ADARB2: variants seen among roughly 807,000 people sequenced by gnomAD.
ADARB2 encodes inactive double-stranded RNA-specific editase B2.
A neutral mutation model predicts 62.2 loss-of-function variants in ADARB2; 25 were observed. The observed-to-expected ratio is 0.40, with a 90% confidence interval of 0.29 to 0.56. ADARB2 has a LOEUF of 0.56. Ranked by LOEUF, ADARB2 falls within the 20% of genes least tolerant of loss-of-function variation. ADARB2 has a pLI of 0.43. For synonymous variants in ADARB2, 572 were observed against 500.8 expected, an observed-to-expected ratio of 1.14 and a Z score of -1.90; for missense variants, 1,071 against 1,077.4, an observed-to-expected ratio of 0.99 and a Z score of 0.08.
At chr10:1,186,751 C>T (rs1017722956) in intron 8 of ADARB2, among the ~76,000 whole-genome samples, 5 of 152,206 alleles carry the variant, frequency 3.3e-5, no homozygotes, top group Non-Finnish European at 7.3e-5. Context: ...TGCTCAGGTC[C>T]CTGGGAAGCC....
At chr10:1,668,559 G>C (rs1834340714) in intron 1 of ADARB2, among the ~76,000 whole-genome samples, 1 of 152,148 alleles carries the variant, frequency 6.6e-6, no homozygotes, top group Non-Finnish European at 1.5e-5. Context: ...GCTCACTGGA[G>C]GTCAGGAAAA....
At chr10:1,428,180 C>T (rs1830726160) in intron 1 of ADARB2, among the ~76,000 whole-genome samples, 1 of 151,912 alleles carries the variant, frequency 6.6e-6, no homozygotes, top group South Asian at 2.1e-4. Context: ...ACCATATTGG[C>T]CAGGCTGGTC....
intron 1 of ADARB2, among the ~76,000 whole-genome samples, chr10:1,572,488 G>A (rs772847577): frequency 8.5e-5 from 13 of 152,170 alleles, no homozygotes; most frequent in Non-Finnish European, 1.9e-4. Context: ...GAATGACTGT[G>A]AGGGTGTTTG....
intron 1 of ADARB2, among the ~76,000 whole-genome samples, chr10:1,606,139 C>T (rs1232121246): frequency 6.6e-6 from 1 of 152,218 alleles, no homozygotes; most frequent in African/African-American, 2.4e-5. Flanking sequence ...TTCTCCATGT[C>T]TCTTCCCCCG....
chr10:1,541,470 C>T (rs1259479944), intron 1 of ADARB2, among the ~76,000 whole-genome samples: 5 of 80,160 alleles, frequency 6.2e-5, no homozygotes, highest in African/African-American at 2.7e-4. Context: ...CCCACTCAGA[C>T]GCAGTTCAGA....
At chr10:1,635,569 A>G (rs1833909045) in intron 1 of ADARB2, among the ~76,000 whole-genome samples, 2 of 152,018 alleles carry the variant, frequency 1.3e-5, no homozygotes, top group Non-Finnish European at 2.9e-5. Context: ...TTTGTGGGTG[A>G]TTGCCCCGCC....
intron 1 of ADARB2, among the ~76,000 whole-genome samples, chr10:1,514,628 T>A (rs1831986188): frequency 6.6e-6 from 1 of 151,914 alleles, no homozygotes. Context: ...GTGCTTGAAA[T>A]GTGGCTGCCG....
At position 1,667,009 on chromosome 10, in the gene ADARB2, T is replaced by A. The variant is rs78224081; in HGVS notation, c.100+70042A>T. 9.0e-3 allele frequency among the ~76,000 whole-genome samples: 1,364 copies of A among 152,120 alleles called. 17 individuals carry two copies. Among genetic ancestry groups the A allele is most frequent in the East Asian group, 0.047 (241 of 5,178 alleles). ...TGTAATCTACTAAAAACATAGAGGG[T>A]TTTTAAGTTATTGTTATGTAATTAA... On this transcript the variant is annotated intron_variant, in intron 1 of 9. Transcript: ENST00000381312.
intron 6 of ADARB2, among the ~76,000 whole-genome samples, chr10:1,226,789 AC>A (rs893479352): frequency 6.6e-6 from 1 of 152,130 alleles, no homozygotes; most frequent in Admixed American, 6.5e-5. Flanking sequence ...TTAGAGGAGT[AC>A]CCGGCTGTGT....
chr10:1,552,919 T>A (rs1284770134), intron 1 of ADARB2, among the ~76,000 whole-genome samples: 1 of 89,740 alleles, frequency 1.1e-5, no homozygotes. Flanking sequence ...AACCCTTAAT[T>A]AATTCGTTTA....
intron 1 of ADARB2, among the ~76,000 whole-genome samples, chr10:1,584,536 T>C (rs1304622205): frequency 6.6e-6 from 1 of 152,220 alleles, no homozygotes; most frequent in Non-Finnish European, 1.5e-5. Flanking sequence ...TTCCATGGTT[T>C]CTAACAAAAG....
chr10:1,182,903 C>T lies in ADARB2; in HGVS notation c.*290G>A, dbSNP rs1020902482. ...CCTCCTTCCAAGGCTGCAGCTAAAA[C>T]CCCTTTGCCTGAATGGAGCCCCTCC... On this transcript the variant is annotated 3_prime_UTR_variant, in exon 10 of 10. Transcript: ENST00000381312. 57 of 356,024 alleles carry T rather than the reference C, an allele frequency of 1.6e-4. No individual in the cohort carries two copies. The highest frequency in any genetic ancestry group is 1.2e-3 in the African/African-American group (57 of 48,106). 22.1% of individuals were successfully genotyped at this position (356,024 alleles called of 1,614,324 possible). A position where few individuals can be genotyped will look rare whatever the true frequency, so the allele number is the denominator to read the frequency against.
At chr10:1,677,486 T>C (rs762361630) in intron 1 of ADARB2, among the ~76,000 whole-genome samples, 7 of 151,172 alleles carry the variant, frequency 4.6e-5, no homozygotes, top group Admixed American at 4.6e-4. Flanking sequence ...CTGAAGGGGG[T>C]CCCAGATGAG....
At chr10:1,701,927 G>C (rs568154858) in intron 1 of ADARB2, among the ~76,000 whole-genome samples, 2 of 152,198 alleles carry the variant, frequency 1.3e-5, no homozygotes, top group Non-Finnish European at 2.9e-5. Flanking sequence ...GAGACCAGGC[G>C]CTCGTCAATA....
chr10:1,393,182 T>C (rs1330435307), intron 1 of ADARB2, among the ~76,000 whole-genome samples: 1 of 152,198 alleles, frequency 6.6e-6, no homozygotes, highest in Non-Finnish European at 1.5e-5. Context: ...TTTAATTTCT[T>C]CTTCTCTCTG....
intron 1 of ADARB2, among the ~76,000 whole-genome samples, chr10:1,579,243 A>G (rs1352272636): frequency 1.3e-5 from 2 of 152,222 alleles, no homozygotes; most frequent in Admixed American, 1.3e-4. Flanking sequence ...GTTTCCCATG[A>G]GGCTTAGAGC....
At chr10:1,347,182 G>A (rs1382388298) in intron 3 of ADARB2, among the ~76,000 whole-genome samples, 1 of 152,220 alleles carries the variant, frequency 6.6e-6, no homozygotes, top group Non-Finnish European at 1.5e-5. Flanking sequence ...TGTTACTCCA[G>A]AAATGGGATT....
intron 9 of ADARB2, 52 bp from the exon 10 acceptor site, chr10:1,183,421 T>C: frequency 6.3e-7 from 1 of 1,589,300 alleles, no homozygotes; most frequent in Non-Finnish European, 8.6e-7. Context: ...AAAAGGAGCT[T>C]CTGCTAGGTG....
chr10:1,536,522 C>T lies in ADARB2; in HGVS notation c.101-157362G>A, dbSNP rs551039453. 1.7e-4 allele frequency among the ~76,000 whole-genome samples: 26 copies of T among 152,342 alleles called. No homozygotes were observed. The South Asian group carries it at 1.9e-3, about 11-fold the overall frequency. On this transcript the variant is annotated intron_variant, in intron 1 of 9. Coordinates refer to ENST00000381312, the MANE Select transcript of ADARB2 (RefSeq NM_018702.4). ...GACTGGGAAGGCAGGTCTGCACCTG[C>T]GTCTCCACGTTCCACTTCACATGTG...
Sources: gnomAD v4.1 joint callset for allele counts (sites outside exome capture counted in the v4.1 genomes callset) on GRCh38, gnomAD v4.1.1 for gene constraint, MANE v1.5 for transcripts, NCBI Gene and HGNC (gene_info 2026-07-23, HGNC 2026-07-21) for gene names.